EMILIN2: variants seen among roughly 807,000 people sequenced by gnomAD.
The protein encoded by EMILIN2 is EMILIN-2.
Under a neutral mutation model 87.1 loss-of-function variants are expected in EMILIN2, and 71 were observed. The ratio of observed to expected loss-of-function variants is 0.82; its 90% CI spans 0.67 to 0.99. The LOEUF is 0.99. Ranked by LOEUF, EMILIN2 falls within the 50% of genes least tolerant of loss-of-function variation. The pLI, the probability that EMILIN2 is intolerant of heterozygous loss-of-function variation, is 0.00. For synonymous variants in EMILIN2, 581 were observed against 563.4 expected, an observed-to-expected ratio of 1.03 and a Z score of -0.44; for missense variants, 1,407 against 1,371.8, an observed-to-expected ratio of 1.03 and a Z score of -0.40.
chr18:2,872,104 CAT>C (rs2076722786), intron 2 of EMILIN2, among the ~76,000 whole-genome samples: 1 of 152,268 alleles, frequency 6.6e-6, no homozygotes, highest in African/African-American at 2.4e-5. Context: ...GTTTATTGTT[CAT>C]ATAGTTTCCA....
intron 2 of EMILIN2, among the ~76,000 whole-genome samples, chr18:2,873,146 C>T (rs964696902): frequency 2.4e-4 from 36 of 152,014 alleles, no homozygotes; most frequent in Non-Finnish European, 3.8e-4. Flanking sequence ...CATGGTGGCT[C>T]ATGCCTATAA....
chr18:2,886,159 C>T (rs1451156494), intron 3 of EMILIN2, among the ~76,000 whole-genome samples: 1 of 152,096 alleles, frequency 6.6e-6, no homozygotes, highest in Non-Finnish European at 1.5e-5. Flanking sequence ...ATTTATTGAA[C>T]TTCTATATCT....
At position 2,906,811 on chromosome 18, in the gene EMILIN2, G is replaced by A. The variant is rs2076915129; in HGVS notation, c.2388G>A (p.Glu796=). 3.1e-6 allele frequency: 4 copies of A among 1,311,384 alleles called. No individual in the cohort carries two copies. The Admixed American group carries it at 1.2e-4, about 38-fold the overall frequency. The allele number at this position is 1,311,384 out of a possible 1,614,324, so 81.2% of individuals were successfully genotyped here. A position where few individuals can be genotyped will look rare whatever the true frequency, so the allele number is the denominator to read the frequency against. Residue 796 remains glutamate, a synonymous_variant, in exon 5 of 8, where the codon GAG becomes GAA. Transcript: ENST00000254528. Reference sequence around the variant, plus strand: ...CGCCCTCGCCCCCGCCGCCCGCAGAGGCCCCGAAGGAGCCGCTGCAGCCCG... The same window carrying A: ...CGCCCTCGCCCCCGCCGCCCGCAGAAGCCCCGAAGGAGCCGCTGCAGCCCG... ...AKAPSPPPPA[E]APKEPLQPEP...
In EMILIN2 at chr18:2,847,163, G is replaced by T. The variant is rs890977500; in HGVS notation, c.-26G>T. On this transcript the variant is annotated 5_prime_UTR_variant, in exon 1 of 8. In the 5' UTR this introduces an upstream ATG that the reference lacks. Coordinates refer to ENST00000254528, the MANE Select transcript of EMILIN2 (RefSeq NM_032048.3). This position sits in a 1 kb window ranked among gnomAD's most constrained non-coding sequence, Gnocchi z 4.5. ...ATCCGCCGCGCTCCGGACCCGGGCA[G>T]GCGGGGCGCGCCCGCTGCGCGCGGG... 547 of 1,077,724 alleles carry T rather than the reference G, an allele frequency of 5.1e-4. No individual in the cohort carries two copies. The African/African-American group carries it at 8.7e-3, about 17-fold the overall frequency. The allele number at this position is 1,077,724 out of a possible 1,614,324, so 66.8% of individuals were successfully genotyped here. A position where few individuals can be genotyped will look rare whatever the true frequency, so the allele number is the denominator to read the frequency against.
intron 2 of EMILIN2, among the ~76,000 whole-genome samples, chr18:2,883,912 C>T (rs1409366892): frequency 6.6e-6 from 1 of 152,192 alleles, no homozygotes; most frequent in African/African-American, 2.4e-5. Context: ...CAGCGGTAAA[C>T]ACACAGACAT....
At chr18:2,868,769 A>C (rs1277862385) in intron 2 of EMILIN2, among the ~76,000 whole-genome samples, 1 of 152,226 alleles carries the variant, frequency 6.6e-6, no homozygotes, top group Non-Finnish European at 1.5e-5. Flanking sequence ...TCGGCTCGGC[A>C]TCAGACGGAG....
Position 2,885,067 on chromosome 18 carries a change from G to T in EMILIN2, c.361G>T (p.Gly121Cys). 6.2e-7 allele frequency: 1 copy of T among 1,613,826 alleles called. No homozygotes were observed. The highest frequency in any genetic ancestry group is 1.1e-5 in the South Asian group (1 of 90,984). Residue 121 changes from glycine (G) to cysteine (C), a missense_variant, in exon 3 of 8, where the codon GGT becomes TGT. Coordinates refer to ENST00000254528, the MANE Select transcript of EMILIN2 (RefSeq NM_032048.3). ...CTTTAGAGGGGGAGATTGCCAAGAA[G>T]GTCCCAAAGACCCCGTGAAGACCCT... ...PGFRGGDCQE[G>C]PKDPVKTLRP... is the part of the protein sequence containing the mutation.
chr18:2,859,080 C>A (rs947614180), intron 2 of EMILIN2, among the ~76,000 whole-genome samples: 1 of 152,012 alleles, frequency 6.6e-6, no homozygotes, highest in South Asian at 2.1e-4. Flanking sequence ...TGGGTAGATA[C>A]CCGGTAGTGG....
rs970183175 is a variant in EMILIN2, at chr18:2,865,578, C to T, written c.257+17647C>T. On this transcript the variant is annotated intron_variant, in intron 2 of 7. Coordinates refer to ENST00000254528, the MANE Select transcript of EMILIN2 (RefSeq NM_032048.3). ...CTGATCGTTCCTCTGGAAGTTTTGT[C>T]TCAGAGGAGCACCTGGCCATGTGAG... Among the ~76,000 whole-genome samples, 9 of 152,202 alleles carry T rather than the reference C, an allele frequency of 5.9e-5. No homozygotes were observed. The South Asian group carries it at 6.2e-4, about 11-fold the overall frequency.
chr18:2,847,400 CA>C lies in EMILIN2; in HGVS notation c.134+81del. 2 of 1,222,270 alleles carry C rather than the reference CA, an allele frequency of 1.6e-6. No individual in the cohort carries two copies. The highest frequency in any genetic ancestry group is 2.1e-6 in the Non-Finnish European group (2 of 973,752). 75.7% of individuals were successfully genotyped at this position (1,222,270 alleles called of 1,614,324 possible). ...CAGTTGAGCCCCAGAGCTGCCCTGC[CA>C]AAGACGACGAGCGGCAGCCGGGGGC... On this transcript the variant is annotated intron_variant, in intron 1 of 7. Transcript: ENST00000254528. The surrounding 1 kb of genome is among the most constrained non-coding windows in gnomAD (Gnocchi z 4.5).
chr18:2,879,676 C>T (rs148872077), intron 2 of EMILIN2, among the ~76,000 whole-genome samples: 201 of 151,262 alleles, frequency 1.3e-3, no homozygotes, highest in African/African-American at 4.5e-3. Flanking sequence ...CCCCCAACAC[C>T]CCCCCCAAAA....
chr18:2,869,647 GT>G (rs1487620351), intron 2 of EMILIN2, among the ~76,000 whole-genome samples: 1 of 151,948 alleles, frequency 6.6e-6, no homozygotes, highest in African/African-American at 2.4e-5. Flanking sequence ...GCCCAGACTG[GT>G]TTTTGAACTC....
At chr18:2,887,536 T>G (rs1471820457) in intron 3 of EMILIN2, among the ~76,000 whole-genome samples, 1 of 152,120 alleles carries the variant, frequency 6.6e-6, no homozygotes, top group Non-Finnish European at 1.5e-5. Flanking sequence ...GCCTGGCACC[T>G]TCTCCCTTCC....
upstream of EMILIN2, chr18:2,846,735 C>T (rs1408316291): frequency 1.0e-6 from 1 of 985,012 alleles, no homozygotes; most frequent in East Asian, 1.1e-4. This position sits in a 1 kb window ranked among gnomAD's most constrained non-coding sequence, Gnocchi z 5.3. Context: ...GGGAGCGAGC[C>T]TGTCGGAAGG....
chr18:2,909,927 GA>G, intron 7 of EMILIN2, 108 bp downstream of exon 7: 1 of 1,486,562 alleles, frequency 6.7e-7, no homozygotes, highest in Non-Finnish European at 9.1e-7. Flanking sequence ...GCTCAGGGAG[GA>G]CGCCACCCTG....
intron 2 of EMILIN2, among the ~76,000 whole-genome samples, chr18:2,850,485 A>G (rs1255498137): frequency 6.6e-6 from 1 of 151,888 alleles, no homozygotes; most frequent in Non-Finnish European, 1.5e-5. Flanking sequence ...AGTTCACTGC[A>G]ACCTCTAACT....
At chr18:2,903,614 A>C (rs1382561307) in intron 4 of EMILIN2, among the ~76,000 whole-genome samples, 1 of 152,206 alleles carries the variant, frequency 6.6e-6, no homozygotes, top group East Asian at 1.9e-4. Context: ...GCTGAGCTCA[A>C]TAGCTCTCTA....
rs2076962103 is a variant in EMILIN2, at chr18:2,915,338, T to C, written c.*1934T>C. 6.6e-6 allele frequency: 1 copy of C among 152,208 alleles called. No homozygotes were observed. Among genetic ancestry groups the C allele is most frequent in the South Asian group, 2.1e-4 (1 of 4,832 alleles). The allele number at this position is 152,208 out of a possible 1,614,324, so 9.4% of individuals were successfully genotyped here. ...GATGACAGGTGGATCCTGGCCCACT[T>C]AGGAGACATCTTTAGAAAGGGAAAG... On this transcript the variant is annotated 3_prime_UTR_variant, in exon 8 of 8. Coordinates refer to ENST00000254528, the MANE Select transcript of EMILIN2 (RefSeq NM_032048.3).
At chr18:2,903,989 C>T (rs756073974) in intron 4 of EMILIN2, among the ~76,000 whole-genome samples, 2 of 152,134 alleles carry the variant, frequency 1.3e-5, no homozygotes, top group African/African-American at 2.4e-5. Context: ...TTTCCCAATA[C>T]CTTTTTAAGA....
Sources: gnomAD v4.1 joint callset for allele counts (sites outside exome capture counted in the v4.1 genomes callset) on GRCh38, gnomAD v4.1.1 for gene constraint, Gnocchi (gnomAD v3.1) non-coding constraint, MANE v1.5 for transcripts, NCBI Gene and HGNC (gene_info 2026-07-23, HGNC 2026-07-21) for gene names.